The following FAM178B variants were observed in gnomAD, a reference collection of about 807,000 sequenced individuals.
FAM178B encodes the protein family with sequence similarity 178 member B, also known as protein FAM178B.
A neutral mutation model predicts 91.7 loss-of-function variants in FAM178B; 82 were observed. The ratio of observed to expected loss-of-function variants is 0.89; its 90% CI spans 0.75 to 1.07. FAM178B has a LOEUF of 1.07. Ranked by LOEUF, FAM178B falls within the 50% of genes least tolerant of loss-of-function variation. The probability of loss-of-function intolerance (pLI) is 0.00; values close to 1 mark genes in which losing one functional copy is unlikely to be tolerated. For missense variants in FAM178B, 769 were observed against 846.7 expected (o/e 0.91, Z 1.14); for synonymous variants, 368 against 359.4 (o/e 1.02, Z -0.27).
chr2:96,970,789 G>A lies in FAM178B; in HGVS notation c.565-12C>T, dbSNP rs1321394451. 6.5e-7 allele frequency: 1 copy of A among 1,546,522 alleles called. No individual in the cohort carries two copies. Among genetic ancestry groups the A allele is most frequent in the Non-Finnish European group, 8.8e-7 (1 of 1,142,330 alleles). On this transcript the variant is annotated splice_polypyrimidine_tract_variant and intron_variant, in intron 3 of 16. Transcript: ENST00000490605. ...CCCCCCCAGGAAAACTGGAGAAACA[G>A]GACATGGGAATGAGGACGACAGAGA...
chr2:96,927,504 C>G (rs1419160725), intron 9 of FAM178B, among the ~76,000 whole-genome samples: 1 of 152,188 alleles, frequency 6.6e-6, no homozygotes, highest in Non-Finnish European at 1.5e-5. Context: ...GCTCCCTGGG[C>G]CCGATCTAGG....
intron 12 of FAM178B, among the ~76,000 whole-genome samples, chr2:96,903,703 C>T (rs2080978394): frequency 6.6e-6 from 1 of 152,212 alleles, no homozygotes. Context: ...CCTGAGAATG[C>T]CCAGAGACAG....
rs142068318 is a variant in FAM178B, at chr2:96,981,178, C to T, written c.73+5063G>A. ...ATGGGGTTTCACCATGTTGTCTGGG[C>T]TAGTCTCGAACTCCTGGCCTCAAGG... On this transcript the variant is annotated intron_variant, in intron 1 of 16. Transcript: ENST00000490605. 5.9e-5 allele frequency among the ~76,000 whole-genome samples: 9 copies of T among 152,150 alleles called. No individual in the cohort carries two copies. The East Asian group carries it at 1.8e-3, about 30-fold the overall frequency.
intron 7 of FAM178B, among the ~76,000 whole-genome samples, chr2:96,948,824 G>A (rs2081875640): frequency 6.6e-6 from 1 of 152,110 alleles, no homozygotes; most frequent in African/African-American, 2.4e-5. Flanking sequence ...TCTGATAATT[G>A]GCCGAGGCTG....
intron 8 of FAM178B, among the ~76,000 whole-genome samples, chr2:96,937,671 C>T (rs148152074): frequency 5.0e-4 from 76 of 152,262 alleles, no homozygotes; most frequent in African/African-American, 1.8e-3. Flanking sequence ...TTGCCAGGGC[C>T]GGAGGCTCAG....
chr2:96,905,842 A>ATATATATATGTGTGTGTGTG (rs1553498395), intron 12 of FAM178B, among the ~76,000 whole-genome samples: 6 of 28,004 alleles, frequency 2.1e-4, no homozygotes, highest in Non-Finnish European at 2.6e-4. Context: ...ATATATATAT[A>ATATATATATGTGTGTGTGTG]TATATATATA....
chr2:96,985,811 G>C (rs1300546184), intron 1 of FAM178B, among the ~76,000 whole-genome samples: 1 of 152,208 alleles, frequency 6.6e-6, no homozygotes, highest in African/African-American at 2.4e-5. Flanking sequence ...AAAGATGAAA[G>C]GAGATGCGTT....
At chr2:96,955,457 G>A (rs2081986291) in intron 6 of FAM178B, among the ~76,000 whole-genome samples, 1 of 151,684 alleles carries the variant, frequency 6.6e-6, no homozygotes, top group Admixed American at 6.6e-5. Context: ...CTTGCAGTGA[G>A]CCAAGATTGC....
At chr2:96,984,408 G>T (rs1261055552) in intron 1 of FAM178B, among the ~76,000 whole-genome samples, 1 of 152,160 alleles carries the variant, frequency 6.6e-6, no homozygotes, top group Non-Finnish European at 1.5e-5. Context: ...TGAGGAAGAT[G>T]CAGTCTCTGC....
In FAM178B at chr2:96,921,552, G is replaced by A. The variant is rs539677290; in HGVS notation, c.1390C>T (p.Arg464Cys). ...TGGAGGTCAACTTTGGGCAGCAGGC[G>A]GAGCCCCACGTCCAGGCTGGTGCGG... ...LCRTSLDVGL[R>C]LLPKVDLQQL... Residue 464 changes from arginine to cysteine, a missense_variant, in exon 11 of 17, where the codon CGC becomes TGC. By Grantham distance (180) the Arg-to-Cys change is radical. Transcript: ENST00000490605. 55 of 1,551,712 alleles carry A rather than the reference G, an allele frequency of 3.5e-5. No homozygotes were observed. In the East Asian group the frequency reaches 9.0e-4, roughly 26 times the overall value.
chr2:96,970,721 C>T lies in FAM178B; in HGVS notation c.621G>A (p.Glu207=). 5 of 1,551,180 alleles carry T rather than the reference C, an allele frequency of 3.2e-6. No homozygotes were observed. The South Asian group carries it at 4.8e-5, about 15-fold the overall frequency. ...YFNNLDYLLQ[E]KREQALEQER... Reference sequence around the variant, plus strand: ...AGGCCACGCCCTGTGCTCACCTCTTCTCCTGCAGTAAGTAGTCCAGGTTGT... The same window carrying T: ...AGGCCACGCCCTGTGCTCACCTCTTTTCCTGCAGTAAGTAGTCCAGGTTGT... The change falls in exon 4 of 17, where the codon GAG becomes GAA. Residue 207 remains glutamate (E), a synonymous_variant. Coordinates refer to ENST00000490605, the MANE Select transcript of FAM178B (RefSeq NM_001122646.3).
chr2:96,978,300 T>TA (rs1234768788), intron 1 of FAM178B, among the ~76,000 whole-genome samples: 2 of 152,176 alleles, frequency 1.3e-5, no homozygotes, highest in African/African-American at 4.8e-5. Flanking sequence ...CACACATTTT[T>TA]AAAAAAATAG....
At chr2:96,916,926 G>A (rs1323480271) in intron 12 of FAM178B, among the ~76,000 whole-genome samples, 1 of 152,214 alleles carries the variant, frequency 6.6e-6, no homozygotes, top group Non-Finnish European at 1.5e-5. Flanking sequence ...GCAGCCACCA[G>A]TGAAGGCAGC....
Position 96,902,720 on chromosome 2 carries a change from C to G in FAM178B, c.1563-13G>C, listed in dbSNP as rs566196070. Reference sequence around the variant, plus strand: ...GCTTCGAAGCCGCCTGGGGGAAAAGCGACAGCCTGAGAGAGGGTGTGCTGG... The same window carrying G: ...GCTTCGAAGCCGCCTGGGGGAAAAGGGACAGCCTGAGAGAGGGTGTGCTGG... On this transcript the variant is annotated splice_polypyrimidine_tract_variant and intron_variant, in intron 12 of 16. Transcript: ENST00000490605. 6.5e-7 allele frequency: 1 copy of G among 1,544,982 alleles called. No individual in the cohort carries two copies. The highest frequency in any genetic ancestry group is 8.8e-7 in the Non-Finnish European group (1 of 1,141,828).
intron 14 of FAM178B, among the ~76,000 whole-genome samples, chr2:96,881,201 T>C (rs1346936147): frequency 1.4e-5 from 2 of 147,944 alleles, no homozygotes; most frequent in South Asian, 2.2e-4. Context: ...GCCTGGGAGG[T>C]TGAGGCTGTA....
intron 14 of FAM178B, among the ~76,000 whole-genome samples, chr2:96,890,874 C>T (rs2080661818): frequency 1.3e-5 from 2 of 152,138 alleles, no homozygotes; most frequent in African/African-American, 4.8e-5. Flanking sequence ...TGTACCAGAC[C>T]CCCAAGCATC....
chr2:96,905,791 T>C (rs1387415702), intron 12 of FAM178B, among the ~76,000 whole-genome samples: 1 of 126,980 alleles, frequency 7.9e-6, no homozygotes, highest in Non-Finnish European at 1.6e-5. Context: ...ACAAAATATA[T>C]ATACACAAAA....
chr2:96,979,165 TG>T (rs1489055326), intron 1 of FAM178B, among the ~76,000 whole-genome samples: 1 of 144,526 alleles, frequency 6.9e-6, no homozygotes, highest in Non-Finnish European at 1.5e-5. Flanking sequence ...TTAGTAGAGA[TG>T]GGGTTTCACC....
In FAM178B at chr2:96,904,906, G is replaced by T. The variant is rs146515961; in HGVS notation, c.1563-2199C>A. On this transcript the variant is annotated intron_variant, in intron 12 of 16. Transcript: ENST00000490605. Reference sequence around the variant, plus strand: ...AGCCTCCCAAGTAGCTGGGATTACAGGCGCCTGCCATTACGCCCAGCTAAT... The same window carrying T: ...AGCCTCCCAAGTAGCTGGGATTACATGCGCCTGCCATTACGCCCAGCTAAT... Among the ~76,000 whole-genome samples the T allele has an allele frequency of 4.6e-3, 695 of 152,160 alleles. 3 individuals are homozygous for T. Among genetic ancestry groups the T allele is most frequent in the African/African-American group, 0.016 (677 of 41,504 alleles).
Sources: gnomAD v4.1 joint callset for allele counts (sites outside exome capture counted in the v4.1 genomes callset) on GRCh38, gnomAD v4.1.1 for gene constraint, MANE v1.5 for transcripts, NCBI Gene and HGNC (gene_info 2026-07-23, HGNC 2026-07-21) for gene names.